Variants in FASN observed in about 807,000 individuals in gnomAD.
FASN encodes 3-hydroxyacyl-[acyl-carrier-protein] dehydratase.
Under a neutral mutation model 250.0 loss-of-function variants are expected in FASN, and 50 were observed. The observed-to-expected ratio is 0.20, with a 90% CI of 0.16 to 0.25. FASN has a LOEUF of 0.25. Ranked by LOEUF, FASN falls within the 10% of genes least tolerant of loss-of-function variation. FASN has a pLI of 1.00. For synonymous variants in FASN, 1,909 were observed against 1,584.0 expected (o/e 1.21, Z -4.87); for missense variants, 3,031 against 3,498.5 (o/e 0.87, Z 3.37).
intron 2 of FASN, 141 bp from the exon 3 acceptor site, chr17:82,095,613 G>A (rs2034290554): frequency 3.8e-6 from 4 of 1,043,558 alleles, no homozygotes; most frequent in South Asian, 2.7e-5. Flanking sequence ...CAATGGAGCA[G>A]GCTCCCCAGG....
At position 82,093,307 on chromosome 17, in the gene FASN, A is replaced by G. The variant is rs2228309; in HGVS notation, c.567T>C (p.Asn189=). The G allele has an allele frequency of 0.54, 859,400 of 1,596,526 alleles. 239,019 individuals carry two copies. The highest frequency in any genetic ancestry group is 0.58 in the Non-Finnish European group (679,892 of 1,172,334). Residue 189 remains asparagine (N), a synonymous_variant, in exon 5 of 43, where the codon AAT becomes AAC. Transcript: ENST00000306749. ...QCPAAIVGGI[N]VLLKPNTSVQ... ...CGGAGGTGTTGGGCTTCAGCAGGAC[A>G]TTGATGCCCCCCACGATGGCGGCAG...
At chr17:82,095,191 CA>C (rs1415873153) in intron 3 of FASN, 128 bp downstream of exon 3, 1 of 1,184,548 alleles carries the variant, frequency 8.4e-7, no homozygotes, top group Admixed American at 1.7e-5. Context: ...TTGGCCAGGC[CA>C]GGGGCACAGC....
Position 82,085,314 on chromosome 17 carries a change from C to A in FASN, c.4211G>T (p.Arg1404Leu). 1.2e-6 allele frequency: 2 copies of A among 1,611,094 alleles called. No individual in the cohort carries two copies. Among genetic ancestry groups the A allele is most frequent in the Admixed American group, 1.7e-5 (1 of 59,856 alleles). The change falls in exon 24 of 43, where the codon CGC (arginine) becomes CTC (leucine). Residue 1404 changes from arginine (R) to leucine (L), a missense_variant. Arg to Leu is a moderately radical substitution (Grantham distance 102, BLOSUM62 -2). Transcript: ENST00000306749. The part of the protein sequence containing the change: ...SFYGSTLFLC[R>L]RPTPQDSPIF... ...GGGGCTGTCCTGCGGGGTGGGCCGG[C>A]GGCACAGGAAGAGCGTGGAGCCGTA... is the stretch of plus-strand genomic sequence containing the variant.
At chr17:82,089,478 G>T (rs912048631) in intron 12 of FASN, 94 bp from the exon 13 acceptor site, 2 of 1,602,092 alleles carry the variant, frequency 1.2e-6, no homozygotes, top group Non-Finnish European at 1.7e-6. Context: ...CAAGGGAACC[G>T]AGAGGGAATG....
At chr17:82,079,955 G>A (rs925903492) in intron 41 of FASN, 185 bp downstream of exon 41, 7 of 712,086 alleles carry the variant, frequency 9.8e-6, no homozygotes, top group Admixed American at 4.4e-5. Flanking sequence ...TAATCTGCCC[G>A]CCTTAGCCTC....
chr17:82,084,202 G>A (rs770498989), intron 28 of FASN, 32 bp downstream of exon 28: 3 of 1,609,908 alleles, frequency 1.9e-6, no homozygotes, highest in Non-Finnish European at 2.5e-6. Flanking sequence ...CCATCCACGT[G>A]GGGCCCAGGC....
Position 82,084,152 on chromosome 17 carries a change from T to C in FASN, c.4921A>G (p.Thr1641Ala), listed in dbSNP as rs1018209397. 3 of 1,600,540 alleles carry C rather than the reference T, an allele frequency of 1.9e-6. No homozygotes were observed. The highest frequency in any genetic ancestry group is 2.6e-6 in the Non-Finnish European group (3 of 1,174,608). ...DFLWDVPSNW[T>A]LEEAASVPVV... ...GGCACCGAGGCCGCCTCCTCCAGCG[T>C]CCTGGGGATGCAGCAGGTGGGTCAG... The change falls in exon 29 of 43, where the codon ACG becomes GCG. Residue 1641 changes from threonine to alanine, a missense_variant and splice_region_variant. Physicochemically the swap from Thr to Ala is moderately conservative, Grantham distance 58. Coordinates refer to ENST00000306749, the MANE Select transcript of FASN (RefSeq NM_004104.5).
intron 2 of FASN, 53 bp downstream of exon 2, chr17:82,096,266 A>G: frequency 6.2e-7 from 1 of 1,606,088 alleles, no homozygotes; most frequent in Non-Finnish European, 8.5e-7. Context: ...GTGAGGACAA[A>G]GGTGGAGATG....
At chr17:82,085,461 C>A in intron 23 of FASN, 21 bp downstream of exon 23, 3 of 1,591,792 alleles carry the variant, frequency 1.9e-6, no homozygotes, top group Non-Finnish European at 2.6e-6. Context: ...CCCACCCTGT[C>A]CCCCTGCCCG....
In FASN at chr17:82,082,631, C is replaced by G; in HGVS notation, c.5815G>C (p.Val1939Leu). The G allele has an allele frequency of 6.2e-7, 1 of 1,610,752 alleles. No homozygotes were observed. Among genetic ancestry groups the G allele is most frequent in the Non-Finnish European group, 8.5e-7 (1 of 1,179,870 alleles). ...CTGATGTTGCTGGTGGACACCTGCA[C>G]CTGTACGCCCTGGCGCCTCCACCGG... ...VRRWRRQGVQ[V>L]QVSTSNISSL... The change falls in exon 34 of 43, where the codon GTG becomes CTG. Residue 1939 changes from valine to leucine, a missense_variant. Transcript: ENST00000306749.
chr17:82,097,748 G>A (rs903943589), intron 1 of FASN, among the ~76,000 whole-genome samples: 169 of 152,248 alleles, frequency 1.1e-3, no homozygotes, highest in Middle Eastern at 3.4e-3. Context: ...TCCCCTTCGG[G>A]CTGGGCCTCG....
In FASN at chr17:82,089,388, G is replaced by A. The variant is rs757900754; in HGVS notation, c.1966-4C>T. On this transcript the variant is annotated splice_region_variant and splice_polypyrimidine_tract_variant and intron_variant, in intron 12 of 42. Transcript: ENST00000306749. Reference sequence around the variant, plus strand: ...CCACGAACTCAAACACCGGGGCCTGGACATCGTGGGAGCCTGGATAAGCAT... The same window carrying A: ...CCACGAACTCAAACACCGGGGCCTGAACATCGTGGGAGCCTGGATAAGCAT... The A allele has an allele frequency of 6.2e-6, 10 of 1,612,642 alleles. No homozygotes were observed. The highest frequency in any genetic ancestry group is 7.6e-6 in the Non-Finnish European group (9 of 1,179,984).
intron 38 of FASN, 61 bp downstream of exon 38, chr17:82,081,103 A>G (rs2144780582): frequency 6.6e-7 from 1 of 1,525,090 alleles, no homozygotes; most frequent in Non-Finnish European, 8.8e-7. Context: ...GGTCCAGACA[A>G]CAAGGAGGAA....
Position 82,084,162 on chromosome 17 carries a change from G to A in FASN, c.4920-9C>T, listed in dbSNP as rs1176777974. On this transcript the variant is annotated splice_polypyrimidine_tract_variant and intron_variant, in intron 28 of 42. Transcript: ENST00000306749. ...CCGCCTCCTCCAGCGTCCTGGGGAT[G>A]CAGCAGGTGGGTCAGCACAGGCCTG... The A allele has an allele frequency of 5.6e-6, 9 of 1,603,206 alleles. No homozygotes were observed. Among genetic ancestry groups the A allele is most frequent in the Non-Finnish European group, 6.8e-6 (8 of 1,175,756 alleles).
At chr17:82,093,114 G>C in intron 5 of FASN, 95 bp from the exon 6 acceptor site, 1 of 1,568,074 alleles carries the variant, frequency 6.4e-7, no homozygotes, top group South Asian at 1.2e-5. Context: ...GTGCTTGGGT[G>C]GGGGATCCCC....
intron 16 of FASN, 41 bp from the exon 17 acceptor site, chr17:82,088,348 T>G (rs1598579517): frequency 5.6e-6 from 9 of 1,610,616 alleles, no homozygotes; most frequent in Non-Finnish European, 7.6e-6. Context: ...CGGGCGTCTG[T>G]GGGGAGGGAA....
chr17:82,087,001 CG>C, intron 21 of FASN, 48 bp downstream of exon 21: 1 of 1,587,680 alleles, frequency 6.3e-7, no homozygotes, highest in East Asian at 2.2e-5. Context: ...GGGAGGCGAT[CG>C]CTCCTCATCG....
rs767982514 is a variant in FASN, at chr17:82,084,449, T to A, written c.4768+64A>T. On this transcript the variant is annotated intron_variant, in intron 27 of 42. Transcript: ENST00000306749. The stretch of plus-strand genomic sequence containing the variant: ...CCCTCCCGAGGGGCTCCCAGGCAGG[T>A]CCTAGCTGCTGGGGTCTCTGCTCCC... 3 of 1,584,836 alleles carry A rather than the reference T, an allele frequency of 1.9e-6. No individual in the cohort carries two copies. The African/African-American group carries it at 4.0e-5, about 21-fold the overall frequency.
intron 3 of FASN, 144 bp downstream of exon 3, chr17:82,095,176 G>A (rs1308412064): frequency 2.0e-6 from 2 of 1,003,798 alleles, no homozygotes; most frequent in South Asian, 1.3e-5. Flanking sequence ...ACCTCCCTGA[G>A]CCCGTTGGCC....
Sources: allele counts gnomAD v4.1 joint callset (sites outside exome capture counted in the v4.1 genomes callset), GRCh38; gene constraint gnomAD v4.1.1; transcripts MANE v1.5; gene names NCBI Gene and HGNC (gene_info 2026-07-23, HGNC 2026-07-21).